PARVB: variants seen among roughly 807,000 people sequenced by gnomAD.
PARVB encodes beta-parvin.
PARVB carries 46 observed loss-of-function variants against 47.0 expected under a neutral mutation model. The observed-to-expected ratio is 0.98, with a 90% CI of 0.77 to 1.25. The LOEUF (loss-of-function observed/expected upper bound fraction) is 1.25, where lower values mean the gene tolerates loss of function less well. Among genes scored for constraint, PARVB ranks in the 50% most tolerant of loss-of-function variants. The pLI, the probability that PARVB is intolerant of heterozygous loss-of-function variation, is 0.00. For missense variants in PARVB, 473 were observed against 471.6 expected (o/e 1.00, Z -0.03); for synonymous variants, 196 against 196.3 (o/e 1.00, Z 0.01).
chr22:44,138,106 C>T (rs2053477342), intron 7 of PARVB, among the ~76,000 whole-genome samples: 2 of 152,164 alleles, frequency 1.3e-5, no homozygotes, highest in South Asian at 4.1e-4. Flanking sequence ...CAGTAAGTGG[C>T]CCCAAGGACC....
chr22:44,061,579 G>A (rs555229213), intron 1 of PARVB, among the ~76,000 whole-genome samples: 13 of 152,206 alleles, frequency 8.5e-5, no homozygotes, highest in South Asian at 2.1e-4. Flanking sequence ...AAGGCAGAGC[G>A]CCCCGTGTTT....
Position 44,120,194 on chromosome 22 carries a change from G to A in PARVB, c.376+1054G>A, listed in dbSNP as rs11913420. 3.5e-3 allele frequency among the ~76,000 whole-genome samples: 528 copies of A among 152,266 alleles called. 2 individuals carry two copies. Among genetic ancestry groups the A allele is most frequent in the African/African-American group, 0.012 (503 of 41,552 alleles). Reference sequence around the variant, plus strand: ...CCCAGGTACAGGGCCTGGGTCAGGCGCTCCTGCATGATCACAGCTGGTTCT... The same window carrying A: ...CCCAGGTACAGGGCCTGGGTCAGGCACTCCTGCATGATCACAGCTGGTTCT... On this transcript the variant is annotated intron_variant, in intron 4 of 12. Transcript: ENST00000338758.
At chr22:44,009,608 T>G (rs2050501210) in intron 2 of PARVB, 1 of 150,846 alleles carries the variant, frequency 6.6e-6, no homozygotes. Flanking sequence ...TAATATATAA[T>G]ATATGTGATA....
rs575810036 is a variant in PARVB at position 44,056,848 on chromosome 22, G to A, written c.112+32397G>A. Among the ~76,000 whole-genome samples the A allele has an allele frequency of 7.3e-5, 11 of 151,560 alleles. No individual in the cohort carries two copies. The East Asian group carries it at 1.9e-3, about 27-fold the overall frequency. On this transcript the variant is annotated intron_variant, in intron 1 of 12. Transcript: ENST00000338758. ...AATCAGGTAATGATGATAGCTCTCA[G>A]GTGGTGAGGGTGACTGTATAAAATG...
chr22:44,091,985 A>T (rs2052179335), intron 1 of PARVB, among the ~76,000 whole-genome samples: 1 of 152,108 alleles, frequency 6.6e-6, no homozygotes, highest in South Asian at 2.1e-4. Context: ...ACGTCCTGAG[A>T]GTCCCATCAC....
chr22:44,137,744 G>A lies in PARVB; in HGVS notation c.692+1226G>A, dbSNP rs532671218. On this transcript the variant is annotated intron_variant, in intron 7 of 12. Transcript: ENST00000338758. ...CCTGGGTCTCTTTCCTCCTCACAGTGCTGGGCATCTTCCCAGGGTGCTCTC... is the reference window on the plus strand; with the variant it reads ...CCTGGGTCTCTTTCCTCCTCACAGTACTGGGCATCTTCCCAGGGTGCTCTC... Among the ~76,000 whole-genome samples the A allele has an allele frequency of 2.0e-5, 3 of 152,256 alleles. No homozygotes were observed. The East Asian group carries it at 5.8e-4, about 29-fold the overall frequency.
chr22:44,082,061 G>C (rs2051913881), intron 1 of PARVB, among the ~76,000 whole-genome samples: 1 of 152,202 alleles, frequency 6.6e-6, no homozygotes, highest in Admixed American at 6.5e-5. Flanking sequence ...GCTGGGCACT[G>C]GAGCTGAGGG....
chr22:44,073,302 T>C (rs1262650066), intron 1 of PARVB, among the ~76,000 whole-genome samples: 6 of 152,148 alleles, frequency 3.9e-5, no homozygotes, highest in Admixed American at 3.3e-4. Context: ...CCAGCCAGCC[T>C]GGCCAACATA....
chr22:44,122,340 G>A (rs1432380395), intron 4 of PARVB, among the ~76,000 whole-genome samples: 1 of 151,958 alleles, frequency 6.6e-6, no homozygotes, highest in Non-Finnish European at 1.5e-5. Flanking sequence ...ATTACCAGTC[G>A]TGGTGATGTG....
intron 1 of PARVB, among the ~76,000 whole-genome samples, chr22:44,038,204 G>C (rs1355019576): frequency 6.6e-6 from 1 of 152,214 alleles, no homozygotes; most frequent in Admixed American, 6.5e-5. Context: ...TGTCTTCCTG[G>C]GGTGTGGTGC....
At chr22:44,088,700 G>C (rs954752662) in intron 1 of PARVB, among the ~76,000 whole-genome samples, 6 of 152,146 alleles carry the variant, frequency 3.9e-5, no homozygotes, top group Non-Finnish European at 5.9e-5. Flanking sequence ...TCGAAGTCCT[G>C]ACCTCAGGTG....
At chr22:44,071,141 C>A (rs1427687872) in intron 1 of PARVB, among the ~76,000 whole-genome samples, 1 of 152,162 alleles carries the variant, frequency 6.6e-6, no homozygotes, top group Non-Finnish European at 1.5e-5. Flanking sequence ...GTCCCCTCCC[C>A]TTGGAGAATC....
In PARVB at chr22:44,070,047, G is replaced by A. The variant is rs73440616; in HGVS notation, c.113-23881G>A. ...CGGTCGGCCAGGCTGCCCTATGTTCGATTTTTCCTCCTGTGAAATGGGAAC... is the reference window on the plus strand; with the variant it reads ...CGGTCGGCCAGGCTGCCCTATGTTCAATTTTTCCTCCTGTGAAATGGGAAC... On this transcript the variant is annotated intron_variant, in intron 1 of 12. Transcript: ENST00000338758. Among the ~76,000 whole-genome samples, 1,232 of 152,326 alleles carry A rather than the reference G, an allele frequency of 8.1e-3. 16 individuals are homozygous for A. Among genetic ancestry groups the A allele is most frequent in the African/African-American group, 0.028 (1,173 of 41,570 alleles).
Position 44,133,913 on chromosome 22 carries a change from A to G in PARVB, c.633+904A>G, listed in dbSNP as rs112896224. 3.1e-3 allele frequency among the ~76,000 whole-genome samples: 469 copies of G among 152,324 alleles called. 6 individuals carry two copies. The highest frequency in any genetic ancestry group is 0.011 in the African/African-American group (444 of 41,576). On this transcript the variant is annotated intron_variant, in intron 6 of 12. Coordinates refer to ENST00000338758, the MANE Select transcript of PARVB (RefSeq NM_013327.5). The stretch of plus-strand genomic sequence containing the variant: ...AGTTTCCCTCAGTAAATGTGCAATG[A>G]GCGCCTACTATTCTCTAAGCACTCA...
chr22:44,076,286 T>C (rs1350968751), intron 1 of PARVB, among the ~76,000 whole-genome samples: 2 of 152,242 alleles, frequency 1.3e-5, no homozygotes, highest in African/African-American at 2.4e-5. Flanking sequence ...GTAGAGACTG[T>C]CACCTCTAGG....
chr22:44,055,625 G>A (rs986362453), intron 1 of PARVB, among the ~76,000 whole-genome samples: 24 of 151,602 alleles, frequency 1.6e-4, no homozygotes, highest in Non-Finnish European at 3.2e-4. Flanking sequence ...GAGCCACCGC[G>A]CCCAGCCTGT....
At chr22:44,146,197 T>G (rs1041962665) in intron 8 of PARVB, 3 of 132,784 alleles carry the variant, frequency 2.3e-5, no homozygotes, top group African/African-American at 8.6e-5. Context: ...CGCACACCCG[T>G]GCTCACACGC....
intron 4 of PARVB, among the ~76,000 whole-genome samples, chr22:44,131,246 C>T (rs968135458): frequency 8.4e-4 from 127 of 151,600 alleles, no homozygotes; most frequent in Middle Eastern, 3.4e-3. Context: ...GGTTCAAGCA[C>T]TTCTCCTGCC....
chr22:44,024,800 A>G (rs1009458930), intron 1 of PARVB, among the ~76,000 whole-genome samples: 3 of 152,074 alleles, frequency 2.0e-5, no homozygotes, highest in African/African-American at 7.2e-5. Context: ...GTGACCGTTC[A>G]TTCCATGAGC....
Sources: allele counts gnomAD v4.1 joint callset (sites outside exome capture counted in the v4.1 genomes callset), GRCh38; gene constraint gnomAD v4.1.1; transcripts MANE v1.5; gene names NCBI Gene and HGNC (gene_info 2026-07-23, HGNC 2026-07-21).